Variants in SCD observed in about 807,000 individuals in gnomAD.
The protein encoded by SCD is acyl-CoA desaturase.
A neutral mutation model predicts 35.7 loss-of-function variants in SCD; 4 were observed. The observed-to-expected ratio is 0.11, with a 90% confidence interval of 0.06 to 0.26. SCD has a LOEUF of 0.26. Among genes scored for constraint, SCD ranks in the 10% least tolerant of loss-of-function variants. The probability of loss-of-function intolerance (pLI) is 1.00; values close to 1 mark genes in which losing one functional copy is unlikely to be tolerated. For missense variants in SCD, 282 were observed against 460.7 expected (o/e 0.61, Z 3.55); for synonymous variants, 150 against 170.2 (o/e 0.88, Z 0.92).
Position 100,356,885 on chromosome 10 carries a change from C to A in SCD, c.880+121C>A. 1 of 769,516 alleles carries A rather than the reference C, an allele frequency of 1.3e-6. No homozygotes were observed. The highest frequency in any genetic ancestry group is 2.1e-6 in the Non-Finnish European group (1 of 469,690). 47.7% of individuals were successfully genotyped at this position (769,516 alleles called of 1,614,324 possible). A position where few individuals can be genotyped will look rare whatever the true frequency, so the allele number is the denominator to read the frequency against. Reference sequence around the variant, plus strand: ...GCTACTTTGTATCTCAGTTTTTCCACTATAAAATTAGGGGGCAGTATACTG... The same window carrying A: ...GCTACTTTGTATCTCAGTTTTTCCAATATAAAATTAGGGGGCAGTATACTG... On this transcript the variant is annotated intron_variant, in intron 5 of 5. Transcript: ENST00000370355. This position sits in a 1 kb window ranked among gnomAD's most constrained non-coding sequence, Gnocchi z 4.1.
chr10:100,357,228 A>G (rs547374571), intron 5 of SCD, among the ~76,000 whole-genome samples: 2 of 152,368 alleles, frequency 1.3e-5, no homozygotes, highest in South Asian at 2.1e-4. Flanking sequence ...CCTTTCTTTC[A>G]TCAACTCTGG....
intron 5 of SCD, among the ~76,000 whole-genome samples, chr10:100,358,407 A>G (rs976728630): frequency 6.6e-6 from 1 of 151,060 alleles, no homozygotes; most frequent in African/African-American, 2.4e-5. Context: ...CTGGCTAACA[A>G]GGTGAAACCC....
rs202118132 is a variant in SCD at position 100,356,810 on chromosome 10, T to C, written c.880+46T>C. On this transcript the variant is annotated intron_variant, in intron 5 of 5. Transcript: ENST00000370355. The surrounding 1 kb of genome is among the most constrained non-coding windows in gnomAD (Gnocchi z 4.1). The stretch of plus-strand genomic sequence containing the variant: ...AGACTACATCCAGTGGTCTGCTGAT[T>C]AGGGGATTAGGCTAGGAGCCAGAAA... 20 of 1,471,802 alleles carry C rather than the reference T, an allele frequency of 1.4e-5. No individual in the cohort carries two copies. Among genetic ancestry groups the C allele is most frequent in the Non-Finnish European group, 1.9e-5 (20 of 1,053,226 alleles). 91.2% of individuals were successfully genotyped at this position (1,471,802 alleles called of 1,614,324 possible). A position where few individuals can be genotyped will look rare whatever the true frequency, so the allele number is the denominator to read the frequency against.
Position 100,352,257 on chromosome 10 carries a change from C to T in SCD, c.311-109C>T. The T allele has an allele frequency of 1.7e-6, 2 of 1,152,074 alleles. No homozygotes were observed. The highest frequency in any genetic ancestry group is 2.5e-6 in the Non-Finnish European group (2 of 808,946). The allele number at this position is 1,152,074 out of a possible 1,614,324, so 71.4% of individuals were successfully genotyped here. A position where few individuals can be genotyped will look rare whatever the true frequency, so the allele number is the denominator to read the frequency against. ...GAGTTCATGGTAAAGCCAGTTCTCA[C>T]CCAAAGCCTGACGAAGACAGTTTCT... On this transcript the variant is annotated intron_variant, in intron 2 of 5. Transcript: ENST00000370355. This position sits in a 1 kb window ranked among gnomAD's most constrained non-coding sequence, Gnocchi z 4.2.
chr10:100,360,528 C>T (rs1386171197), intron 5 of SCD, among the ~76,000 whole-genome samples: 2 of 152,160 alleles, frequency 1.3e-5, no homozygotes, highest in African/African-American at 4.8e-5. Context: ...CATGGCAAGA[C>T]CCCGTCTCTA....
intron 4 of SCD, among the ~76,000 whole-genome samples, chr10:100,355,865 A>G (rs1281762030): frequency 6.6e-6 from 1 of 152,190 alleles, no homozygotes; most frequent in Non-Finnish European, 1.5e-5. Context: ...AGGACACTCA[A>G]TGGGTCTCTG....
rs1849934163 is a variant in SCD, at chr10:100,356,861, C to T, written c.880+97C>T. 3.1e-6 allele frequency: 3 copies of T among 954,328 alleles called. No homozygotes were observed. The highest frequency in any genetic ancestry group is 3.1e-5 in the South Asian group (2 of 64,806). 59.1% of individuals were successfully genotyped at this position (954,328 alleles called of 1,614,324 possible). On this transcript the variant is annotated intron_variant, in intron 5 of 5. Transcript: ENST00000370355. The surrounding 1 kb of genome is among the most constrained non-coding windows in gnomAD (Gnocchi z 4.1). ...AACTAGATAAATCTGTTTTTTATGG[C>T]TACTTTGTATCTCAGTTTTTCCACT...
chr10:100,360,843 C>G lies in SCD; in HGVS notation c.990C>G (p.Leu330=), dbSNP rs1193543471. ...TTFFIDCMAA[L]GLAYDRKKVS... ...TCTTCATTGATTGCATGGCCGCCCTCGGTCTGGCCTATGACCGGAAGAAAG... is the reference window on the plus strand; with the variant it reads ...TCTTCATTGATTGCATGGCCGCCCTGGGTCTGGCCTATGACCGGAAGAAAG... The change falls in exon 6 of 6, where the codon CTC becomes CTG. Residue 330 remains leucine, a synonymous_variant. Coordinates refer to ENST00000370355, the MANE Select transcript of SCD (RefSeq NM_005063.5). The G allele has an allele frequency of 2.5e-6, 4 of 1,613,858 alleles. No individual in the cohort carries two copies. The highest frequency in any genetic ancestry group is 1.3e-5 in the African/African-American group (1 of 74,918).
At position 100,352,359 on chromosome 10, in the gene SCD, C is replaced by T. The variant is rs780029758; in HGVS notation, c.311-7C>T. The stretch of plus-strand genomic sequence containing the variant: ...TTGGTGACTCCCCCACTGTCTTCTC[C>T]TGGCAGGGGTATTCTACTATTTTGT... On this transcript the variant is annotated splice_region_variant and splice_polypyrimidine_tract_variant and intron_variant, in intron 2 of 5. Transcript: ENST00000370355. The surrounding 1 kb of genome is among the most constrained non-coding windows in gnomAD (Gnocchi z 4.2). The T allele has an allele frequency of 2.5e-6, 4 of 1,612,886 alleles. No homozygotes were observed. Among genetic ancestry groups the T allele is most frequent in the Non-Finnish European group, 3.4e-6 (4 of 1,179,790 alleles).
chr10:100,348,355 C>A lies in SCD; in HGVS notation c.310+9C>A. On this transcript the variant is annotated intron_variant, in intron 2 of 5. Transcript: ENST00000370355. The stretch of plus-strand genomic sequence containing the variant: ...CTACACCTGGCTTTGGGGTAAGCAG[C>A]CTCCCTGTCCTCCTGACCTAGTCCT... 1 of 1,611,560 alleles carries A rather than the reference C, an allele frequency of 6.2e-7. No individual in the cohort carries two copies. Among genetic ancestry groups the A allele is most frequent in the Non-Finnish European group, 8.5e-7 (1 of 1,178,652 alleles).
intron 2 of SCD, among the ~76,000 whole-genome samples, chr10:100,348,565 T>G (rs1849834002): frequency 7.1e-6 from 1 of 140,672 alleles, no homozygotes; most frequent in Non-Finnish European, 1.5e-5. Context: ...CTTTGGAACC[T>G]TGTGCTTGTG....
chr10:100,348,076 T>G lies in SCD; in HGVS notation c.40T>G (p.Tyr14Asp). Residue 14 changes from tyrosine (Y) to aspartate (D), a missense_variant, in exon 2 of 6, where the codon TAT (tyrosine) becomes GAT (aspartate). Physicochemically the swap from Tyr to Asp is radical, Grantham distance 160. Transcript: ENST00000370355. ...HLLQDDISSS[Y>D]TTTTTITAPP... ...CTCCCCCTTCCAGATCTCTAGCTCC[T>G]ATACCACCACCACCACCATTACAGC... 1 of 1,613,644 alleles carries G rather than the reference T, an allele frequency of 6.2e-7. No individual in the cohort carries two copies. The highest frequency in any genetic ancestry group is 8.5e-7 in the Non-Finnish European group (1 of 1,179,782).
chr10:100,348,773 A>AAACT (rs1397456189), intron 2 of SCD, among the ~76,000 whole-genome samples: 2 of 152,176 alleles, frequency 1.3e-5, no homozygotes, highest in African/African-American at 4.8e-5. Context: ...AGCACAAGGG[A>AAACT]AACTACTCAG....
In SCD at chr10:100,362,027, A is replaced by G. The variant is rs200175308; in HGVS notation, c.*1094A>G. ...AAAAATAAAATATATATACATATATACATTGCTTAGAACGTTAAACTATTA... is the reference window on the plus strand; with the variant it reads ...AAAAATAAAATATATATACATATATGCATTGCTTAGAACGTTAAACTATTA... On this transcript the variant is annotated 3_prime_UTR_variant, in exon 6 of 6. Transcript: ENST00000370355. 1 of 152,258 alleles carries G rather than the reference A, an allele frequency of 6.6e-6. No individual in the cohort carries two copies. Among genetic ancestry groups the G allele is most frequent in the Non-Finnish European group, 1.5e-5 (1 of 68,048 alleles). The allele number at this position is 152,258 out of a possible 1,614,324, so 9.4% of individuals were successfully genotyped here. A position where few individuals can be genotyped will look rare whatever the true frequency, so the allele number is the denominator to read the frequency against.
chr10:100,347,965 G>A lies in SCD; in HGVS notation c.28-99G>A. ...GAACTACGGCGCTGCGGAAGGGTCC[G>A]TACTGTCCACCCTTCCCCCAGCGTG... On this transcript the variant is annotated intron_variant, in intron 1 of 5. Coordinates refer to ENST00000370355, the MANE Select transcript of SCD (RefSeq NM_005063.5). 4.0e-6 allele frequency: 5 copies of A among 1,241,968 alleles called. No individual in the cohort carries two copies. The South Asian group carries it at 4.0e-5, about 10-fold the overall frequency. 76.9% of individuals were successfully genotyped at this position (1,241,968 alleles called of 1,614,324 possible). A position where few individuals can be genotyped will look rare whatever the true frequency, so the allele number is the denominator to read the frequency against.
At chr10:100,354,984 G>A (rs1480505428) in intron 4 of SCD, among the ~76,000 whole-genome samples, 4 of 152,150 alleles carry the variant, frequency 2.6e-5, no homozygotes, top group Non-Finnish European at 5.9e-5. Flanking sequence ...AGGCTGGAGT[G>A]CAGTGGCACA....
intron 3 of SCD, among the ~76,000 whole-genome samples, chr10:100,353,396 T>C (rs907465379): frequency 6.6e-6 from 1 of 152,048 alleles, no homozygotes. Context: ...TCATCCTGGC[T>C]AACACAGTGA....
chr10:100,347,566 C>A, intron 1 of SCD, 35 bp downstream of exon 1: 1 of 1,612,478 alleles, frequency 6.2e-7, no homozygotes, highest in South Asian at 1.1e-5. Context: ...ACCGCCGGGT[C>A]GCAGGCGCGG....
chr10:100,358,291 A>G (rs959337967), intron 5 of SCD, among the ~76,000 whole-genome samples: 2 of 151,764 alleles, frequency 1.3e-5, no homozygotes, highest in Non-Finnish European at 2.9e-5. Flanking sequence ...GCCGTGAGCC[A>G]CTGCGCCTGG....
Sources: gnomAD v4.1 joint callset for allele counts (sites outside exome capture counted in the v4.1 genomes callset) on GRCh38, gnomAD v4.1.1 for gene constraint, Gnocchi (gnomAD v3.1) non-coding constraint, MANE v1.5 for transcripts, NCBI Gene and HGNC (gene_info 2026-07-23, HGNC 2026-07-21) for gene names.